The following RFC3 variants were observed in gnomAD, a reference collection of about 807,000 sequenced individuals.
The protein encoded by RFC3 is A1 38 kDa subunit.
Under a neutral mutation model 45.1 loss-of-function variants are expected in RFC3, and 41 were observed. The ratio of observed to expected loss-of-function variants is 0.91; its 90% CI spans 0.71 to 1.18. RFC3 has a LOEUF of 1.18. Among genes scored for constraint, RFC3 ranks in the 50% most tolerant of loss-of-function variants. RFC3 has a pLI of 0.00. For missense variants in RFC3, 423 were observed against 428.1 expected (o/e 0.99, Z 0.10); for synonymous variants, 149 against 144.0 (o/e 1.03, Z -0.25).
intron 8 of RFC3, among the ~76,000 whole-genome samples, chr13:33,858,125 G>A (rs1257774635): frequency 6.6e-6 from 1 of 152,174 alleles, no homozygotes; most frequent in Non-Finnish European, 1.5e-5. Context: ...CATCTCGGAA[G>A]CTGAGATGTG....
At chr13:33,837,827 A>T (rs565898539), downstream of RFC3, among the ~76,000 whole-genome samples, 3 of 152,206 alleles carry the variant, frequency 2.0e-5, no homozygotes, top group Non-Finnish European at 4.4e-5. Flanking sequence ...TATAATTTAA[A>T]GTTATAAATT....
chr13:33,841,584 T>A (rs2082198982), downstream of RFC3, among the ~76,000 whole-genome samples: 1 of 152,200 alleles, frequency 6.6e-6, no homozygotes, highest in Non-Finnish European at 1.5e-5. Context: ...TGAGTTGACT[T>A]TATGTTATTG....
chr13:33,900,789 G>A (rs2082635721), intron 8 of RFC3, among the ~76,000 whole-genome samples: 2 of 149,856 alleles, frequency 1.3e-5, no homozygotes, highest in Non-Finnish European at 3.0e-5. Context: ...ATCTGACAAG[G>A]TATTAATAAC....
At chr13:33,931,736 GA>G (rs1442413862) in intron 8 of RFC3, among the ~76,000 whole-genome samples, 1 of 152,014 alleles carries the variant, frequency 6.6e-6, no homozygotes. Flanking sequence ...TTTAAACATG[GA>G]AAGTCCTCCT....
intron 8 of RFC3, chr13:33,846,681 C>T (rs957186199): frequency 1.1e-4 from 16 of 152,110 alleles, no homozygotes; most frequent in Non-Finnish European, 1.8e-4. Context: ...CAGAGCTTGC[C>T]CAGGAATTGC....
rs776916714 is a variant in RFC3 at position 33,818,251 on chromosome 13, C to T, written c.73C>T (p.Gln25Ter). The change falls in exon 1 of 9, where the codon CAG becomes TAG. Residue 25 changes from glutamine to a stop codon, truncating the protein, a stop_gained. Transcript: ENST00000380071. LOFTEE classifies it high-confidence loss of function. ...GGACTATCACAAGGAGCAGGCGGCC[C>T]AGCTGCGGAACCTGGTGAGTCTGCG... ...RLDYHKEQAA[Q>*]LRNLVQCGDF... is the part of the protein sequence containing the mutation. The T allele has an allele frequency of 4.3e-6, 7 of 1,613,458 alleles. No homozygotes were observed. Among genetic ancestry groups the T allele is most frequent in the South Asian group, 1.1e-5 (1 of 91,072 alleles).
chr13:33,951,641 C>G (rs753026078), intron 8 of RFC3, among the ~76,000 whole-genome samples: 7 of 152,048 alleles, frequency 4.6e-5, no homozygotes, highest in Non-Finnish European at 1.0e-4. Context: ...GAAAGCTATC[C>G]ACAGGCAGCC....
chr13:33,925,664 CAATT>C (rs2082806660), intron 8 of RFC3, among the ~76,000 whole-genome samples: 1 of 149,182 alleles, frequency 6.7e-6, no homozygotes, highest in South Asian at 2.1e-4. Context: ...ATGATTACCA[CAATT>C]AAGTTAGTGT....
At chr13:33,896,495 G>T (rs115916622) in intron 8 of RFC3, among the ~76,000 whole-genome samples, 1 of 151,576 alleles carries the variant, frequency 6.6e-6, no homozygotes, top group African/African-American at 2.4e-5. Flanking sequence ...AGGCCAAGAA[G>T]GGTGGATCAC....
downstream of RFC3, among the ~76,000 whole-genome samples, chr13:33,968,993 C>T (rs1281308069): frequency 6.6e-6 from 1 of 152,176 alleles, no homozygotes. Flanking sequence ...ACAGTTCACC[C>T]ACCGTACAAA....
intron 4 of RFC3, among the ~76,000 whole-genome samples, chr13:33,827,537 C>T (rs918756723): frequency 6.6e-6 from 1 of 151,958 alleles, no homozygotes; most frequent in Non-Finnish European, 1.5e-5. Context: ...AAATTTTAAT[C>T]AAAATTAATA....
intron 8 of RFC3, among the ~76,000 whole-genome samples, chr13:33,891,483 G>A (rs2082562889): frequency 6.6e-6 from 1 of 152,110 alleles, no homozygotes. Flanking sequence ...CAATAAATTT[G>A]CAAATAACTT....
intron 8 of RFC3, among the ~76,000 whole-genome samples, chr13:33,857,873 A>G (rs1448633987): frequency 1.3e-5 from 2 of 152,236 alleles, no homozygotes; most frequent in Non-Finnish European, 2.9e-5. Flanking sequence ...TAAGGACAGC[A>G]TGAAGAGAAA....
At chr13:33,851,074 C>G (rs1222814505) in intron 8 of RFC3, among the ~76,000 whole-genome samples, 1 of 152,150 alleles carries the variant, frequency 6.6e-6, no homozygotes, top group African/African-American at 2.4e-5. Flanking sequence ...AAATTAACAT[C>G]ATGAACTAGA....
rs527250342 is a variant in RFC3, at chr13:33,946,559, T to C, written c.880-19528T>C. Among the ~76,000 whole-genome samples the C allele has an allele frequency of 2.6e-5, 4 of 152,364 alleles. No homozygotes were observed. The South Asian group carries it at 8.3e-4, about 32-fold the overall frequency. ...ACATGTTAACGTAAATAAAATACTT[T>C]TAAGCATATAACTTTTCTAAAATGA... On this transcript the variant is annotated intron_variant, in intron 8 of 8. Transcript: ENST00000434425.
chr13:33,837,774 A>G (rs1055859324), downstream of RFC3, among the ~76,000 whole-genome samples: 2 of 151,994 alleles, frequency 1.3e-5, no homozygotes, highest in African/African-American at 4.8e-5. Context: ...TAGGTTATGT[A>G]CTTGGAAATT....
chr13:33,936,365 A>C (rs1456939097), intron 8 of RFC3, among the ~76,000 whole-genome samples: 1 of 152,128 alleles, frequency 6.6e-6, no homozygotes, highest in Non-Finnish European at 1.5e-5. Context: ...ATTACTATTT[A>C]GTTATAACCA....
the RFC3 span, among the ~76,000 whole-genome samples, chr13:33,974,871 A>G: frequency 2.6e-5 from 4 of 152,218 alleles, no homozygotes; most frequent in East Asian, 5.8e-4. Flanking sequence ...AACAGCAGCA[A>G]CAACAACAAC....
At position 33,879,418 on chromosome 13, in the gene RFC3, G is replaced by A. The variant is rs181714142; in HGVS notation, c.879+44201G>A. The stretch of plus-strand genomic sequence containing the variant: ...GTACTACATTAGCAACTCTATGCTT[G>A]GATACTCAGCTCAAGACCTGCTCTC... On this transcript the variant is annotated intron_variant, in intron 8 of 8. Transcript: ENST00000434425. Among the ~76,000 whole-genome samples the A allele has an allele frequency of 2.0e-4, 30 of 152,176 alleles. 1 individual carries two copies. The East Asian group carries it at 5.4e-3, about 27-fold the overall frequency.
Sources: gnomAD v4.1 joint callset for allele counts (sites outside exome capture counted in the v4.1 genomes callset) on GRCh38, gnomAD v4.1.1 for gene constraint, MANE v1.5 for transcripts, NCBI Gene and HGNC (gene_info 2026-07-23, HGNC 2026-07-21) for gene names.